UHRF2: variants seen among roughly 807,000 people sequenced by gnomAD.
UHRF2 encodes ubiquitin like with PHD and ring finger domains 2, also known as E3 ubiquitin-protein ligase UHRF2.
In UHRF2, 23 loss-of-function variants were observed where a neutral mutation model predicts 96.8. The ratio of observed to expected loss-of-function variants is 0.24; its 90% CI spans 0.17 to 0.34. The LOEUF (loss-of-function observed/expected upper bound fraction) is 0.34, where lower values mean the gene tolerates loss of function less well. UHRF2 is among the 10% of genes least tolerant of loss of function. The pLI is 1.00. For missense variants in UHRF2, 685 were observed against 981.5 expected (o/e 0.70, Z 4.04); for synonymous variants, 385 against 332.6 (o/e 1.16, Z -1.72).
At chr9:6,501,238 C>T (rs547046659) in intron 14 of UHRF2, among the ~76,000 whole-genome samples, 1 of 152,120 alleles carries the variant, frequency 6.6e-6, no homozygotes, top group Non-Finnish European at 1.5e-5. Flanking sequence ...TTGTGTTAAG[C>T]TGTGTTTTGC....
chr9:6,427,110 AGTT>A, intron 2 of UHRF2, among the ~76,000 whole-genome samples: 1 of 152,282 alleles, frequency 6.6e-6, no homozygotes, highest in Non-Finnish European at 1.5e-5. Flanking sequence ...AAGTCTGAGT[AGTT>A]AATATATAAA....
intron 3 of UHRF2, among the ~76,000 whole-genome samples, chr9:6,459,983 A>G (rs1822428791): frequency 6.6e-6 from 1 of 152,082 alleles, no homozygotes; most frequent in Non-Finnish European, 1.5e-5. Flanking sequence ...AGAAACCAAA[A>G]CAAAACTTGG....
At chr9:6,451,773 T>TTTGTTGTTGTTGTTGTTGTTGTTGTTG (rs1168664809) in intron 3 of UHRF2, among the ~76,000 whole-genome samples, 6 of 148,802 alleles carry the variant, frequency 4.0e-5, no homozygotes, top group East Asian at 2.0e-4. Context: ...GCCCGGCCTG[T>TTTGTTGTTGTTGTTGTTGTTGTTGTTG]TTGTTGTTGT....
intron 4 of UHRF2, among the ~76,000 whole-genome samples, chr9:6,463,554 T>G (rs1822683280): frequency 6.6e-6 from 1 of 151,172 alleles, no homozygotes. Flanking sequence ...CACTGCAACC[T>G]CCGCCTCCTG....
chr9:6,498,347 G>A (rs1393932424), intron 12 of UHRF2, 189 bp downstream of exon 12: 1 of 527,956 alleles, frequency 1.9e-6, no homozygotes, highest in African/African-American at 2.0e-5. Flanking sequence ...AGACTGCCCT[G>A]GGACCAAGGG....
intron 2 of UHRF2, chr9:6,422,651 C>T: frequency 3.1e-6 from 2 of 648,380 alleles, no homozygotes; most frequent in Non-Finnish European, 5.8e-6. Flanking sequence ...GCTCTGTCAC[C>T]CAGGCTGTAG....
intron 3 of UHRF2, among the ~76,000 whole-genome samples, chr9:6,453,050 C>T (rs1402953532): frequency 6.6e-6 from 1 of 152,110 alleles, no homozygotes; most frequent in Non-Finnish European, 1.5e-5. Flanking sequence ...AAAATGTATG[C>T]TTCATTTTCA....
chr9:6,440,076 T>G (rs1194368529), intron 3 of UHRF2, among the ~76,000 whole-genome samples: 1 of 152,190 alleles, frequency 6.6e-6, no homozygotes, highest in African/African-American at 2.4e-5. Context: ...TATTAAAAGT[T>G]AAGATTAACA....
At chr9:6,448,755 C>G (rs1037368361) in intron 3 of UHRF2, among the ~76,000 whole-genome samples, 1 of 152,148 alleles carries the variant, frequency 6.6e-6, no homozygotes, top group Non-Finnish European at 1.5e-5. Flanking sequence ...TCTTGAGTAA[C>G]AGGAGTTAAG....
Position 6,470,279 on chromosome 9 carries a change from A to G in UHRF2, c.864-5112A>G, listed in dbSNP as rs569418918. Among the ~76,000 whole-genome samples, 6 of 152,038 alleles carry G rather than the reference A, an allele frequency of 3.9e-5. No individual in the cohort carries two copies. In the East Asian group the frequency reaches 1.2e-3, roughly 29 times the overall value. On this transcript the variant is annotated intron_variant, in intron 4 of 15. Coordinates refer to ENST00000276893, the MANE Select transcript of UHRF2 (RefSeq NM_152896.3). Reference sequence around the variant, plus strand: ...CCCCAGCTATTTGTGAGACTGAAGCAGGAGAACTGCTTGATCCTGGGAGGT... The same window carrying G: ...CCCCAGCTATTTGTGAGACTGAAGCGGGAGAACTGCTTGATCCTGGGAGGT...
At chr9:6,452,428 TTCCCATAG>T (rs1383363694) in intron 3 of UHRF2, among the ~76,000 whole-genome samples, 3 of 152,244 alleles carry the variant, frequency 2.0e-5, no homozygotes, top group Non-Finnish European at 2.9e-5. Flanking sequence ...AGTACTTGTT[TTCCCATAG>T]CCTGTCAACA....
chr9:6,474,935 A>G (rs912632689), intron 4 of UHRF2, among the ~76,000 whole-genome samples: 4 of 152,334 alleles, frequency 2.6e-5, no homozygotes, highest in Non-Finnish European at 4.4e-5. Flanking sequence ...GAATTATCCC[A>G]TATAATTACA....
At chr9:6,498,230 C>T in intron 12 of UHRF2, 72 bp downstream of exon 12, 2 of 1,500,808 alleles carry the variant, frequency 1.3e-6, no homozygotes, top group Non-Finnish European at 9.0e-7. Context: ...CATGCCTTAA[C>T]ACTGGATATA....
rs575415900 is a variant in UHRF2, at chr9:6,501,836, T to C, written c.2163+1127T>C. Reference sequence around the variant, plus strand: ...GTTAATCAGCCTAATTATTCTCTGATTGGGAAAGATAGGGCTTGTTAGTGA... The same window carrying C: ...GTTAATCAGCCTAATTATTCTCTGACTGGGAAAGATAGGGCTTGTTAGTGA... On this transcript the variant is annotated intron_variant, in intron 14 of 15. Coordinates refer to ENST00000276893, the MANE Select transcript of UHRF2 (RefSeq NM_152896.3). Among the ~76,000 whole-genome samples the C allele has an allele frequency of 2.6e-4, 39 of 152,292 alleles. 1 individual carries two copies. The Middle Eastern group carries it at 0.01, about 40-fold the overall frequency.
At chr9:6,451,655 T>C (rs1821873379) in intron 3 of UHRF2, among the ~76,000 whole-genome samples, 1 of 151,732 alleles carries the variant, frequency 6.6e-6, no homozygotes, top group South Asian at 2.1e-4. Context: ...TAATTTTTAG[T>C]TCAGACGGGG....
At chr9:6,446,112 C>A (rs1821486517) in intron 3 of UHRF2, among the ~76,000 whole-genome samples, 1 of 151,310 alleles carries the variant, frequency 6.6e-6, no homozygotes, top group African/African-American at 2.4e-5. Flanking sequence ...CCTGCCTTAG[C>A]CTCCTAAGTA....
At chr9:6,416,443 G>T (rs1289471548) in intron 1 of UHRF2, among the ~76,000 whole-genome samples, 1 of 151,430 alleles carries the variant, frequency 6.6e-6, no homozygotes, top group Non-Finnish European at 1.5e-5. Flanking sequence ...AGGATAACAT[G>T]CTGTGAACAT....
At chr9:6,475,944 T>C (rs893628720) in intron 5 of UHRF2, among the ~76,000 whole-genome samples, 4 of 152,140 alleles carry the variant, frequency 2.6e-5, no homozygotes, top group African/African-American at 7.2e-5. Flanking sequence ...TTAACTGTAG[T>C]CCCCCATCGT....
intron 2 of UHRF2, among the ~76,000 whole-genome samples, chr9:6,423,260 G>T (rs1820040584): frequency 6.6e-6 from 1 of 152,132 alleles, no homozygotes; most frequent in African/African-American, 2.4e-5. Flanking sequence ...AACCTATGAG[G>T]AGTAGATCAT....
Sources: gnomAD v4.1 joint callset for allele counts (sites outside exome capture counted in the v4.1 genomes callset) on GRCh38, gnomAD v4.1.1 for gene constraint, MANE v1.5 for transcripts, NCBI Gene and HGNC (gene_info 2026-07-23, HGNC 2026-07-21) for gene names.